The following MYH14 variants were observed in gnomAD, a reference collection of about 807,000 sequenced individuals.
The protein encoded by MYH14 is myosin heavy chain 14, also known as myosin-14.
Under a neutral mutation model 255.5 loss-of-function variants are expected in MYH14, and 123 were observed. The observed-to-expected ratio is 0.48, with a 90% confidence interval of 0.42 to 0.56. The LOEUF is 0.56. Among genes scored for constraint, MYH14 ranks in the 20% least tolerant of loss-of-function variants. The probability of loss-of-function intolerance (pLI) is 0.00; values close to 1 mark genes in which losing one functional copy is unlikely to be tolerated. For synonymous variants in MYH14, 1,095 were observed against 1,161.2 expected, an observed-to-expected ratio of 0.94 and a Z score of 1.16; for missense variants, 2,423 against 2,802.3, an observed-to-expected ratio of 0.86 and a Z score of 3.06.
At position 50,278,578 on chromosome 19, in the gene MYH14, C is replaced by T. The variant is rs143606861; in HGVS notation, c.4032+289C>T. On this transcript the variant is annotated intron_variant, in intron 30 of 42. Transcript: ENST00000642316. ...AATTAGCCAGGTATGCTGGCATGTG[C>T]CTGTAGTCCCAGCTACTCAGGGGAC... Among the ~76,000 whole-genome samples the T allele has an allele frequency of 3.1e-3, 465 of 151,992 alleles. 3 individuals carry two copies. The highest frequency in any genetic ancestry group is 6.8e-3 in the Middle Eastern group (2 of 294).
intron 1 of MYH14, among the ~76,000 whole-genome samples, chr19:50,208,128 T>C (rs1239410508): frequency 1.3e-5 from 2 of 152,298 alleles, no homozygotes; most frequent in Non-Finnish European, 1.5e-5. Flanking sequence ...TTTAATGTAC[T>C]ATCTGGCCGG....
At chr19:50,292,485 G>A (rs1035799443) in intron 37 of MYH14, 96 bp downstream of exon 37, 6 of 844,158 alleles carry the variant, frequency 7.1e-6, no homozygotes, top group Non-Finnish European at 9.5e-6. Flanking sequence ...GAGGTGGGCG[G>A]GGCTAACCAC....
At chr19:50,264,980 C>G (rs929959642) in intron 22 of MYH14, among the ~76,000 whole-genome samples, 3 of 152,156 alleles carry the variant, frequency 2.0e-5, no homozygotes, top group Non-Finnish European at 2.9e-5. Context: ...TCTGAGAGAT[C>G]AGCCTGCATT....
intron 33 of MYH14, 130 bp downstream of exon 33, chr19:50,281,972 A>ACCAGGC: frequency 2.1e-6 from 2 of 968,624 alleles, no homozygotes; most frequent in Non-Finnish European, 3.0e-6. Flanking sequence ...AGGAAGCAAG[A>ACCAGGC]CCCTTCTTTG....
intron 21 of MYH14, among the ~76,000 whole-genome samples, chr19:50,261,936 C>T (rs79078166): frequency 0.019 from 2,883 of 152,258 alleles, 42 homozygotes; most frequent in Non-Finnish European, 0.03. Context: ...AGTGCTAAAA[C>T]AGAGAAAGCC....
At chr19:50,228,629 TCCCACCTCTCCATGGTA>T (rs1380089127) in intron 8 of MYH14, among the ~76,000 whole-genome samples, 15 of 152,178 alleles carry the variant, frequency 9.9e-5, no homozygotes. Context: ...TGCCCTTGGC[TCCCACCTCTCCATGGTA>T]CCTGCATATC....
At position 50,223,281 on chromosome 19, in the gene MYH14, A is replaced by G; in HGVS notation, c.625A>G (p.Lys209Glu). 6.2e-7 allele frequency: 1 copy of G among 1,610,374 alleles called. No individual in the cohort carries two copies. The highest frequency in any genetic ancestry group is 8.5e-7 in the Non-Finnish European group (1 of 1,178,088). The change falls in exon 5 of 43, where the codon AAG becomes GAG. Residue 209 changes from lysine to glutamate, a missense_variant. Physicochemically the swap from Lys to Glu is moderately conservative, Grantham distance 56. Around this residue, in one of 3 missense-constraint regions of MYH14, gnomAD observed 672 missense variants for 881.8 expected, o/e 0.76. Coordinates refer to ENST00000642316, the MANE Select transcript of MYH14 (RefSeq NM_001145809.2). Reference sequence around the variant, plus strand: ...TGGAGCTGGGAAGACGGAAAACACCAAGAAGGTCATCCAGTACCTCGCCCA... The same window carrying G: ...TGGAGCTGGGAAGACGGAAAACACCGAGAAGGTCATCCAGTACCTCGCCCA... ...ESGAGKTENT[K>E]KVIQYLAHVA... is the part of the protein sequence containing the mutation.
Position 50,293,714 on chromosome 19 carries a change from G to C in MYH14, c.5469+27G>C, listed in dbSNP as rs773349527. 22 of 1,532,380 alleles carry C rather than the reference G, an allele frequency of 1.4e-5. No individual in the cohort carries two copies. The highest frequency in any genetic ancestry group is 1.9e-5 in the Non-Finnish European group (22 of 1,139,348). The allele number at this position is 1,532,380 out of a possible 1,614,324, so 94.9% of individuals were successfully genotyped here. A position where few individuals can be genotyped will look rare whatever the true frequency, so the allele number is the denominator to read the frequency against. ...TGAGCGTGATTGACCGCCCCCACCA[G>C]CCTCAGTCCCCATTGACCTGGGACC... On this transcript the variant is annotated intron_variant, in intron 39 of 42. Transcript: ENST00000642316. The surrounding 1 kb of genome is among the most constrained non-coding windows in gnomAD (Gnocchi z 4.1).
Position 50,252,613 on chromosome 19 carries a change from GC to G in MYH14, c.1831-23del. On this transcript the variant is annotated intron_variant, in intron 15 of 42. Transcript: ENST00000642316. This position sits in a 1 kb window ranked among gnomAD's most constrained non-coding sequence, Gnocchi z 4.2. ...AGAATGTCTGAGCCTGCAAGTCATC[GC>G]CCTCCTCTACCTGACTTCATTCAGG... 6.8e-7 allele frequency: 1 copy of G among 1,464,938 alleles called. No homozygotes were observed. The highest frequency in any genetic ancestry group is 9.4e-7 in the Non-Finnish European group (1 of 1,065,036). 90.7% of individuals were successfully genotyped at this position (1,464,938 alleles called of 1,614,324 possible).
rs1568472371 is a variant in MYH14, at chr19:50,223,065, C to A, written c.563-18C>A. 6.2e-7 allele frequency: 1 copy of A among 1,611,862 alleles called. No individual in the cohort carries two copies. On this transcript the variant is annotated intron_variant, in intron 3 of 42. Coordinates refer to ENST00000642316, the MANE Select transcript of MYH14 (RefSeq NM_001145809.2). ...AGACTCTCTCAGATGACATATTCCC[C>A]CACTCTGTCCCCTACAGATCGTGAG...
intron 24 of MYH14, among the ~76,000 whole-genome samples, chr19:50,269,393 G>A (rs1600988673): frequency 6.6e-6 from 1 of 152,218 alleles, no homozygotes; most frequent in South Asian, 2.1e-4. Context: ...TGTTGGCCAG[G>A]CTGGTCTCGA....
At position 50,255,229 on chromosome 19, in the gene MYH14, G is replaced by A. The variant is rs1448908221; in HGVS notation, c.1955G>A (p.Gly652Asp). 3.9e-6 allele frequency: 6 copies of A among 1,550,998 alleles called. No homozygotes were observed. The highest frequency in any genetic ancestry group is 2.0e-5 in the Admixed American group (1 of 50,978). Reference sequence around the variant, plus strand: ...TGTCCTCACTCCCCAGAACATGGGGGCTTCCAGCAGTTCTCTTTCCTTGGC... The same window carrying A: ...TGTCCTCACTCCCCAGAACATGGGGACTTCCAGCAGTTCTCTTTCCTTGGC... ...TAEIWKDEHG[G>D]FQQFSFLGSF... Residue 652 changes from glycine to aspartate, a missense_variant, in exon 17 of 43, where the codon GGC becomes GAC. Physicochemically the swap from Gly to Asp is moderately conservative, Grantham distance 94 (BLOSUM62 -1). Transcript: ENST00000642316.
intron 35 of MYH14, 135 bp downstream of exon 35, chr19:50,289,783 G>A: frequency 1.3e-6 from 1 of 770,326 alleles, no homozygotes; most frequent in South Asian, 1.7e-5. Flanking sequence ...CGACCACTCA[G>A]TATCTCCCCA....
intron 15 of MYH14, among the ~76,000 whole-genome samples, chr19:50,251,629 G>A (rs940141647): frequency 2.0e-4 from 31 of 151,812 alleles, no homozygotes; most frequent in African/African-American, 7.5e-4. Context: ...CCAGGCTGGA[G>A]TGCAGTGGCA....
chr19:50,223,079 A>G lies in MYH14; in HGVS notation c.563-4A>G. On this transcript the variant is annotated splice_polypyrimidine_tract_variant and splice_region_variant and intron_variant, in intron 3 of 42. Coordinates refer to ENST00000642316, the MANE Select transcript of MYH14 (RefSeq NM_001145809.2). ...GACATATTCCCCCACTCTGTCCCCT[A>G]CAGATCGTGAGGACCAGTCCATTCT... The G allele has an allele frequency of 1.9e-6, 3 of 1,613,370 alleles. No individual in the cohort carries two copies. The highest frequency in any genetic ancestry group is 2.5e-6 in the Non-Finnish European group (3 of 1,179,362).
intron 17 of MYH14, among the ~76,000 whole-genome samples, chr19:50,255,917 T>C (rs1336795673): frequency 6.6e-6 from 1 of 150,486 alleles, no homozygotes; most frequent in Non-Finnish European, 1.5e-5. Context: ...TTGAATGGGA[T>C]GAGTTTTGCA....
intron 17 of MYH14, among the ~76,000 whole-genome samples, chr19:50,256,043 C>T (rs1032781875): frequency 1.5e-4 from 22 of 151,476 alleles, no homozygotes; most frequent in African/African-American, 4.4e-4. Context: ...TTTGGGAGGC[C>T]GAGGTGAGAG....
intron 39 of MYH14, among the ~76,000 whole-genome samples, chr19:50,298,246 T>C (rs2036348884): frequency 6.6e-6 from 1 of 152,128 alleles, no homozygotes; most frequent in African/African-American, 2.4e-5. Context: ...GAGGGTCCTG[T>C]GATCCACAGT....
intron 29 of MYH14, 61 bp from the exon 30 acceptor site, chr19:50,278,022 T>G: frequency 7.7e-7 from 1 of 1,300,066 alleles, no homozygotes; most frequent in Admixed American, 2.7e-5. Flanking sequence ...GAGATGGGAG[T>G]GTGCCTGGCC....
Sources: allele counts gnomAD v4.1 joint callset (sites outside exome capture counted in the v4.1 genomes callset), GRCh38; gene constraint gnomAD v4.1.1; regional missense constraint gnomAD v4.1.1; non-coding constraint Gnocchi (gnomAD v3.1); transcripts MANE v1.5; gene names NCBI Gene and HGNC (gene_info 2026-07-23, HGNC 2026-07-21).